MTR: variants seen among roughly 807,000 people sequenced by gnomAD.
The protein encoded by MTR is 5-methyltetrahydrofolate-homocysteine methyltransferase, also known as methionine synthase.
Under a neutral mutation model 154.8 loss-of-function variants are expected in MTR, and 84 were observed. That is an observed-to-expected ratio of 0.54 (90% CI 0.45 to 0.65). The LOEUF (loss-of-function observed/expected upper bound fraction) is 0.65. MTR is among the 30% of genes least tolerant of loss of function. The pLI is 0.00. For missense variants in MTR, 1,275 were observed against 1,570.2 expected, an observed-to-expected ratio of 0.81 and a Z score of 3.18; for synonymous variants, 554 against 553.9, an observed-to-expected ratio of 1.00 and a Z score of 0.00.
chr1:236,805,402 C>T (rs1321141625), intron 2 of MTR, among the ~76,000 whole-genome samples: 1 of 143,630 alleles, frequency 7.0e-6, no homozygotes, highest in Admixed American at 6.9e-5. Flanking sequence ...CAGGTTCTGC[C>T]AAAGCAGGAA....
chr1:236,815,263 T>A (rs145123898), intron 6 of MTR, among the ~76,000 whole-genome samples: 5 of 152,322 alleles, frequency 3.3e-5, no homozygotes, highest in African/African-American at 1.2e-4. Flanking sequence ...GCTCCTAGGC[T>A]CAGGCAGTCG....
At chr1:236,865,271 T>C (rs140189597) in intron 22 of MTR, among the ~76,000 whole-genome samples, 43 of 152,376 alleles carry the variant, frequency 2.8e-4, no homozygotes, top group Non-Finnish European at 4.1e-4. Flanking sequence ...AACGTTACTT[T>C]CATTTTACAA....
chr1:236,856,167 T>G (rs1439764493), intron 18 of MTR, among the ~76,000 whole-genome samples: 1 of 152,172 alleles, frequency 6.6e-6, no homozygotes, highest in East Asian at 1.9e-4. Context: ...TGTGGTATTT[T>G]TCTGTGAACA....
In MTR at chr1:236,886,378, C is replaced by G; in HGVS notation, c.2851+11C>G. 6.2e-7 allele frequency: 1 copy of G among 1,613,370 alleles called. No homozygotes were observed. Among genetic ancestry groups the G allele is most frequent in the Non-Finnish European group, 8.5e-7 (1 of 1,179,328 alleles). ...CTGAACCTCACCCAGGTCTGTTTGGCTATGGACTAGAGAAAGACTGGGTGT... is the reference window on the plus strand; with the variant it reads ...CTGAACCTCACCCAGGTCTGTTTGGGTATGGACTAGAGAAAGACTGGGTGT... On this transcript the variant is annotated intron_variant, in intron 27 of 32. Coordinates refer to ENST00000366577, the MANE Select transcript of MTR (RefSeq NM_000254.3).
intron 18 of MTR, among the ~76,000 whole-genome samples, chr1:236,855,790 G>T (rs1664171059): frequency 6.6e-6 from 1 of 152,180 alleles, no homozygotes; most frequent in African/African-American, 2.4e-5. Context: ...TTGCTTGGTA[G>T]CTTTCTATGT....
chr1:236,870,297 G>A (rs1009836464), intron 22 of MTR, among the ~76,000 whole-genome samples: 1 of 152,170 alleles, frequency 6.6e-6, no homozygotes, highest in Admixed American at 6.5e-5. Context: ...AGTGTTCTTG[G>A]TCGTTTTCTT....
chr1:236,807,409 G>A (rs1661046623), intron 3 of MTR, among the ~76,000 whole-genome samples: 1 of 152,082 alleles, frequency 6.6e-6, no homozygotes, highest in Non-Finnish European at 1.5e-5. Context: ...CCTGAGCTTA[G>A]GTAATCTGCC....
chr1:236,819,728 C>T, intron 8 of MTR: 1 of 728,168 alleles, frequency 1.4e-6, no homozygotes, highest in Non-Finnish European at 2.5e-6. Context: ...CCAAACTTGA[C>T]TTCCAAATGA....
chr1:236,897,310 G>GCGCGCGCGCGCGCGCGCGCGCA, intron 32 of MTR, among the ~76,000 whole-genome samples, 192 bp downstream of exon 32: 2 of 128,614 alleles, frequency 1.6e-5, no homozygotes, highest in Non-Finnish European at 1.7e-5. Flanking sequence ...CCACACACAC[G>GCGCGCGCGCGCGCGCGCGCGCA]CACACACACA....
At chr1:236,869,544 C>T (rs1029015915) in intron 22 of MTR, among the ~76,000 whole-genome samples, 1 of 152,158 alleles carries the variant, frequency 6.6e-6, no homozygotes, top group Non-Finnish European at 1.5e-5. Flanking sequence ...CAACAACTTC[C>T]GTAACATTCA....
intron 15 of MTR, among the ~76,000 whole-genome samples, chr1:236,841,754 G>C (rs981126097): frequency 6.6e-6 from 1 of 151,896 alleles, no homozygotes; most frequent in Non-Finnish European, 1.5e-5. Context: ...GAAAATGGCC[G>C]TATTCTACTT....
chr1:236,819,416 T>C (rs1290077799), intron 8 of MTR, among the ~76,000 whole-genome samples: 1 of 152,230 alleles, frequency 6.6e-6, no homozygotes, highest in Admixed American at 6.5e-5. Context: ...ATTCATGTCT[T>C]TGTAGGCTCG....
chr1:236,825,403 A>G lies in MTR; in HGVS notation c.927+4A>G. The G allele has an allele frequency of 6.2e-7, 1 of 1,611,656 alleles. No individual in the cohort carries two copies. Among genetic ancestry groups the G allele is most frequent in the Non-Finnish European group, 8.5e-7 (1 of 1,177,782 alleles). ...TATGATGGCCAAGCACCTAAAGGTC[A>G]GGGGTCCCCCTTTCACTGGCTTTTT... On this transcript the variant is annotated splice_donor_region_variant and intron_variant, in intron 10 of 32. Coordinates refer to ENST00000366577, the MANE Select transcript of MTR (RefSeq NM_000254.3).
In MTR at chr1:236,880,208, GTAT is replaced by G. The variant is rs2147899567; in HGVS notation, c.2595-542_2595-540del. ...ATATTTTTCTTGCTTTTGCCTCTCT[GTAT>G]TATTTTATGTTGAATTTCAGGTTTG... On this transcript the variant is annotated intron_variant, in intron 24 of 32. Coordinates refer to ENST00000366577, the MANE Select transcript of MTR (RefSeq NM_000254.3). Among the ~76,000 whole-genome samples the G allele has an allele frequency of 2.0e-5, 3 of 152,244 alleles. No individual in the cohort carries two copies. In the South Asian group the frequency reaches 6.2e-4, roughly 32 times the overall value.
intron 9 of MTR, 104 bp from the exon 10 acceptor site, chr1:236,825,234 T>G: frequency 6.9e-6 from 5 of 719,766 alleles, no homozygotes; most frequent in South Asian, 4.4e-5. Context: ...TAGTCACCAT[T>G]TAATATAAAT....
At chr1:236,873,477 A>C (rs1246789615) in intron 22 of MTR, among the ~76,000 whole-genome samples, 1 of 152,238 alleles carries the variant, frequency 6.6e-6, no homozygotes, top group African/African-American at 2.4e-5. Flanking sequence ...CACAATTAAA[A>C]AAATAACATA....
chr1:236,897,533 A>G, intron 32 of MTR, 25 bp from the exon 33 acceptor site: 1 of 1,605,090 alleles, frequency 6.2e-7, no homozygotes, highest in Non-Finnish European at 8.5e-7. Flanking sequence ...TGTTGGTTTA[A>G]TAAAATGCTT....
At position 236,899,879 on chromosome 1, in the gene MTR, A is replaced by G. The variant is rs1327904708; in HGVS notation, c.*2235A>G. 3 of 154,764 alleles carry G rather than the reference A, an allele frequency of 1.9e-5. No homozygotes were observed. Among genetic ancestry groups the G allele is most frequent in the Non-Finnish European group, 2.9e-5 (2 of 69,488 alleles). 9.6% of individuals were successfully genotyped at this position (154,764 alleles called of 1,614,324 possible). ...CAGGGAAATATGAATTAGGACCACA[A>G]TGAGATTCCATTTTATATCCATAAG... On this transcript the variant is annotated 3_prime_UTR_variant, in exon 33 of 33. Transcript: ENST00000366577.
intron 14 of MTR, 58 bp from the exon 15 acceptor site, chr1:236,838,356 A>T: frequency 6.4e-7 from 1 of 1,568,414 alleles, no homozygotes; most frequent in Non-Finnish European, 8.8e-7. Context: ...GAGCCTTTGA[A>T]AAGTAATTTA....
Sources: allele counts gnomAD v4.1 joint callset (sites outside exome capture counted in the v4.1 genomes callset), GRCh38; gene constraint gnomAD v4.1.1; transcripts MANE v1.5; gene names NCBI Gene and HGNC (gene_info 2026-07-23, HGNC 2026-07-21).